MFSD11: variants seen among roughly 807,000 people sequenced by gnomAD.
MFSD11 encodes major facilitator superfamily domain containing 11.
Under a neutral mutation model 53.5 loss-of-function variants are expected in MFSD11, and 36 were observed. The observed-to-expected ratio is 0.67, with a 90% CI of 0.52 to 0.89. The LOEUF (loss-of-function observed/expected upper bound fraction) is 0.89. Among genes scored for constraint, MFSD11 ranks in the 40% least tolerant of loss-of-function variants. MFSD11 has a pLI of 0.00. For missense variants in MFSD11, 530 were observed against 543.9 expected (o/e 0.97, Z 0.25); for synonymous variants, 186 against 184.9 (o/e 1.01, Z -0.05).
chr17:76,745,962 C>T lies in MFSD11; in HGVS notation c.641+1496C>T, dbSNP rs562608222. On this transcript the variant is annotated intron_variant, in intron 7 of 12. Coordinates refer to ENST00000685175, the MANE Select transcript of MFSD11 (RefSeq NM_001242532.5). ...GATTACAGGCATGCACCACCACACCCGGCTAATGACTAATCAAGAAATGAC... is the reference window on the plus strand; with the variant it reads ...GATTACAGGCATGCACCACCACACCTGGCTAATGACTAATCAAGAAATGAC... Among the ~76,000 whole-genome samples, 15 of 152,216 alleles carry T rather than the reference C, an allele frequency of 9.9e-5. No individual in the cohort carries two copies. In the South Asian group the frequency reaches 1.0e-3, roughly 11 times the overall value.
At chr17:76,793,147 C>T in the MFSD11 span, among the ~76,000 whole-genome samples, 1 of 151,294 alleles carries the variant, frequency 6.6e-6, no homozygotes, top group African/African-American at 2.5e-5. Context: ...TATCAGGAGA[C>T]AGGGTTTGAG....
chr17:76,746,552 C>T (rs780492677), intron 7 of MFSD11, among the ~76,000 whole-genome samples: 15 of 152,236 alleles, frequency 9.9e-5, no homozygotes, highest in South Asian at 2.1e-4. Flanking sequence ...AAGAACAGGC[C>T]GACTCTTGTT....
At chr17:76,762,643 G>A (rs546915813) in intron 8 of MFSD11, among the ~76,000 whole-genome samples, 93 of 130,000 alleles carry the variant, frequency 7.2e-4, no homozygotes, top group African/African-American at 2.6e-3. Flanking sequence ...GCGACTGAGC[G>A]AGACTCCGTC....
chr17:76,749,114 C>G (rs1026277427), intron 7 of MFSD11, among the ~76,000 whole-genome samples: 1 of 152,166 alleles, frequency 6.6e-6, no homozygotes, highest in African/African-American at 2.4e-5. Context: ...AAAGTATACA[C>G]TTCAGTGCTT....
At chr17:76,738,911 C>T (rs1297416291) in intron 1 of MFSD11, 27 bp from the exon 2 acceptor site, 2 of 1,604,648 alleles carry the variant, frequency 1.2e-6, no homozygotes, top group Non-Finnish European at 1.7e-6. Context: ...AAAACATTTT[C>T]GTTGATTAGT....
intron 9 of MFSD11, 40 bp from the exon 10 acceptor site, chr17:76,769,706 G>T: frequency 6.6e-7 from 1 of 1,515,678 alleles, no homozygotes; most frequent in South Asian, 1.2e-5. Flanking sequence ...ACAAAAATGT[G>T]AATATATAAA....
chr17:76,796,811 CAAAAAAAAA>C, the MFSD11 span, among the ~76,000 whole-genome samples: 3 of 114,284 alleles, frequency 2.6e-5, no homozygotes, highest in African/African-American at 1.0e-4. Context: ...CTAAAAATAC[CAAAAAAAAA>C]AAAAAAAAAA....
the MFSD11 span, among the ~76,000 whole-genome samples, chr17:76,800,435 A>G: frequency 9.2e-5 from 14 of 152,282 alleles, no homozygotes; most frequent in Admixed American, 6.5e-4. Flanking sequence ...ATGGTCACCT[A>G]TGAAATCCTT....
chr17:76,779,405 A>G (rs1318025968), downstream of MFSD11: 4 of 151,968 alleles, frequency 2.6e-5, no homozygotes, highest in African/African-American at 9.7e-5. Flanking sequence ...CTTACCTTGT[A>G]GCTCATAGCA....
In MFSD11 at chr17:76,755,845, T is replaced by C. The variant is rs1340469277; in HGVS notation, c.682+1758T>C. Among the ~76,000 whole-genome samples the C allele has an allele frequency of 4.3e-4, 43 of 100,176 alleles. No homozygotes were observed. The South Asian group carries it at 7.2e-3, about 17-fold the overall frequency. The allele number at this position is 100,176 out of a possible 152,430, so 65.7% of individuals were successfully genotyped here. On this transcript the variant is annotated intron_variant, in intron 8 of 12. Transcript: ENST00000685175. The stretch of plus-strand genomic sequence containing the variant: ...TTTTTTTTTTTTTTTTTTTTTGAGA[T>C]GGAGTTTTGCTCTTGTGGCCCAGGC...
chr17:76,736,740 T>G (rs1185208429), upstream of MFSD11: 2 of 1,386,798 alleles, frequency 1.4e-6, no homozygotes, highest in Non-Finnish European at 1.9e-6. Context: ...CTTTGTGAGG[T>G]CGCCCGGGCC....
chr17:76,747,568 C>T (rs906932108), intron 7 of MFSD11, among the ~76,000 whole-genome samples: 4 of 151,772 alleles, frequency 2.6e-5, no homozygotes, highest in Non-Finnish European at 5.9e-5. Flanking sequence ...CTCCTGACCT[C>T]GTGATCCACC....
chr17:76,750,069 G>C (rs748342268), intron 7 of MFSD11, among the ~76,000 whole-genome samples: 8 of 152,068 alleles, frequency 5.3e-5, no homozygotes, highest in African/African-American at 1.2e-4. Flanking sequence ...TGGAGGGTTC[G>C]AGAGAGGACT....
the MFSD11 span, among the ~76,000 whole-genome samples, chr17:76,794,885 G>A: frequency 7.3e-5 from 11 of 150,818 alleles, no homozygotes; most frequent in South Asian, 1.9e-3. Context: ...TAGTAGAGAC[G>A]GGGTTTCACC....
chr17:76,743,329 A>C, intron 5 of MFSD11, 69 bp from the exon 6 acceptor site: 1 of 1,030,644 alleles, frequency 9.7e-7, no homozygotes, highest in Non-Finnish European at 1.4e-6. Flanking sequence ...AATGGGAATA[A>C]TTATTTTTAA....
intron 1 of MFSD11, 68 bp downstream of exon 1, chr17:76,738,516 C>A: frequency 8.5e-7 from 1 of 1,177,176 alleles, no homozygotes; most frequent in Non-Finnish European, 1.2e-6. Flanking sequence ...TGAAAATAAA[C>A]GTTCATTATA....
chr17:76,794,697 TTTTTTTTTG>T, the MFSD11 span, among the ~76,000 whole-genome samples: 23 of 4,056 alleles, frequency 5.7e-3, no homozygotes, highest in South Asian at 8.9e-3. Flanking sequence ...TTTTTTTTTT[TTTTTTTTTG>T]TTTTGAGATG....
rs1598806320 is a variant in MFSD11, at chr17:76,778,672, T to G, written c.*320T>G. 4.1e-6 allele frequency: 1 copy of G among 244,790 alleles called. No homozygotes were observed. Among genetic ancestry groups the G allele is most frequent in the Non-Finnish European group, 7.9e-6 (1 of 126,304 alleles). The allele number at this position is 244,790 out of a possible 1,614,324, so 15.2% of individuals were successfully genotyped here. A position where few individuals can be genotyped will look rare whatever the true frequency, so the allele number is the denominator to read the frequency against. On this transcript the variant is annotated 3_prime_UTR_variant, in exon 13 of 13. Transcript: ENST00000685175. Reference sequence around the variant, plus strand: ...TCTCTCTCCTGCTCTTGTTGGAAGATCCTGCCTTGATTTAGAATACTAGGC... The same window carrying G: ...TCTCTCTCCTGCTCTTGTTGGAAGAGCCTGCCTTGATTTAGAATACTAGGC...
intron 7 of MFSD11, chr17:76,753,023 A>G (rs2079196344): frequency 1.3e-5 from 1 of 78,916 alleles, no homozygotes; most frequent in Non-Finnish European, 2.4e-5. Context: ...TAAAAAAAAA[A>G]ATCTTGTTCC....
Sources: allele counts gnomAD v4.1 joint callset (sites outside exome capture counted in the v4.1 genomes callset), GRCh38; gene constraint gnomAD v4.1.1; transcripts MANE v1.5; gene names NCBI Gene and HGNC (gene_info 2026-07-23, HGNC 2026-07-21).